CMTM8: variants seen among roughly 807,000 people sequenced by gnomAD.
CMTM8 encodes CKLF-like MARVEL transmembrane domain-containing protein 8.
CMTM8 carries 12 observed loss-of-function variants against 18.6 expected under a neutral mutation model. That is an observed-to-expected ratio of 0.65 (90% CI 0.41 to 1.05). CMTM8 has a LOEUF of 1.05. Among genes scored for constraint, CMTM8 ranks in the 50% least tolerant of loss-of-function variants. The probability of loss-of-function intolerance (pLI) is 0.00; values close to 1 mark genes in which losing one functional copy is unlikely to be tolerated. For missense variants in CMTM8, 217 were observed against 227.2 expected (o/e 0.95, Z 0.29); for synonymous variants, 87 against 90.6 (o/e 0.96, Z 0.23).
chr3:32,306,498 A>C (rs1412493626), intron 1 of CMTM8, among the ~76,000 whole-genome samples: 2 of 152,224 alleles, frequency 1.3e-5, no homozygotes, highest in African/African-American at 2.4e-5. Context: ...CAGAGTATGC[A>C]TCCACCACCT....
Position 32,368,131 on chromosome 3 carries a change from T to A in CMTM8, c.438+143T>A. On this transcript the variant is annotated intron_variant, in intron 3 of 3. Coordinates refer to ENST00000307526, the MANE Select transcript of CMTM8 (RefSeq NM_178868.5). ...CAATTGGCTTATTGATTTGAAAATA[T>A]CTAAAACTGGCAGGGGGCAGAGGGC... 4.6e-6 allele frequency: 3 copies of A among 652,930 alleles called. No homozygotes were observed. In the South Asian group the frequency reaches 5.6e-5, roughly 12 times the overall value. 40.4% of individuals were successfully genotyped at this position (652,930 alleles called of 1,614,324 possible).
chr3:32,273,891 T>C (rs4132830), intron 1 of CMTM8, among the ~76,000 whole-genome samples: 33,338 of 152,118 alleles, frequency 0.22, 3,801 homozygotes, highest in Admixed American at 0.27. Flanking sequence ...TTAAGAGTCC[T>C]CAAGGTTTAA....
chr3:32,255,865 A>G (rs1216676370), intron 1 of CMTM8, among the ~76,000 whole-genome samples: 6 of 152,134 alleles, frequency 3.9e-5, no homozygotes, highest in African/African-American at 1.2e-4. Flanking sequence ...AGCTGGGACT[A>G]CAGGTACTTG....
At chr3:32,242,860 AT>A (rs199567040) in intron 1 of CMTM8, among the ~76,000 whole-genome samples, 22,775 of 144,846 alleles carry the variant, frequency 0.16, 2,055 homozygotes, top group South Asian at 0.36. Flanking sequence ...ACAAAATACA[AT>A]TTTTTTTTTT....
intron 1 of CMTM8, among the ~76,000 whole-genome samples, chr3:32,240,776 G>A (rs897307728): frequency 6.6e-6 from 1 of 152,026 alleles, no homozygotes; most frequent in Non-Finnish European, 1.5e-5. Flanking sequence ...AGCTAATTAT[G>A]CACCTTTTTT....
chr3:32,259,937 C>T, intron 1 of CMTM8: 1 of 1,136,122 alleles, frequency 8.8e-7, no homozygotes. Context: ...CTACACCCTG[C>T]AGATAGAGCA....
chr3:32,334,565 C>G (rs1410409862), intron 1 of CMTM8, among the ~76,000 whole-genome samples: 1 of 151,380 alleles, frequency 6.6e-6, no homozygotes, highest in Non-Finnish European at 1.5e-5. Context: ...GAGATCGCAC[C>G]ACTGCACTCC....
chr3:32,340,715 T>C (rs2125589131), intron 1 of CMTM8, among the ~76,000 whole-genome samples: 1 of 152,394 alleles, frequency 6.6e-6, no homozygotes, highest in Non-Finnish European at 1.5e-5. Context: ...TGAATAAGCA[T>C]GGCTGTGTTC....
At chr3:32,250,030 C>T (rs1422862949) in intron 1 of CMTM8, among the ~76,000 whole-genome samples, 4 of 152,086 alleles carry the variant, frequency 2.6e-5, no homozygotes, top group African/African-American at 7.2e-5. Context: ...GTCTATGATT[C>T]GTTTTGAGTT....
At chr3:32,353,850 T>C (rs939453860) in intron 1 of CMTM8, among the ~76,000 whole-genome samples, 6 of 149,896 alleles carry the variant, frequency 4.0e-5, no homozygotes, top group African/African-American at 1.2e-4. Context: ...AGTGGCACGA[T>C]CTCGGCTCAC....
chr3:32,271,887 A>G (rs951913607), intron 1 of CMTM8, among the ~76,000 whole-genome samples: 4 of 152,042 alleles, frequency 2.6e-5, no homozygotes, highest in African/African-American at 9.7e-5. Context: ...AATTTATCGT[A>G]TTTTCTTGTT....
At chr3:32,348,860 T>C (rs1696651562) in intron 1 of CMTM8, among the ~76,000 whole-genome samples, 1 of 152,146 alleles carries the variant, frequency 6.6e-6, no homozygotes, top group Non-Finnish European at 1.5e-5. Flanking sequence ...TTTTTTACTT[T>C]ATCTCACCTG....
chr3:32,297,253 A>G (rs1702896093), intron 1 of CMTM8, among the ~76,000 whole-genome samples: 1 of 152,126 alleles, frequency 6.6e-6, no homozygotes, highest in South Asian at 2.1e-4. Flanking sequence ...ATCTCGGCTC[A>G]CTGCAACCTC....
chr3:32,296,735 A>G (rs901071884), intron 1 of CMTM8, among the ~76,000 whole-genome samples: 1 of 152,176 alleles, frequency 6.6e-6, no homozygotes, highest in Non-Finnish European at 1.5e-5. Context: ...GTTGCATTAG[A>G]TGTTCCATCC....
chr3:32,274,291 C>A (rs574394493), intron 1 of CMTM8, among the ~76,000 whole-genome samples: 38 of 148,484 alleles, frequency 2.6e-4, no homozygotes, highest in African/African-American at 9.3e-4. Context: ...GCCTGGGTGA[C>A]CCTGTCTCAA....
chr3:32,260,331 A>T, intron 1 of CMTM8: 1 of 617,026 alleles, frequency 1.6e-6, no homozygotes, highest in Admixed American at 2.7e-5. Flanking sequence ...AGCTAAATAT[A>T]ATGAACTATA....
At chr3:32,288,227 A>G (rs1390491771) in intron 1 of CMTM8, among the ~76,000 whole-genome samples, 2 of 152,190 alleles carry the variant, frequency 1.3e-5, no homozygotes, top group Non-Finnish European at 2.9e-5. Flanking sequence ...AGGAGCTTAC[A>G]ACTTAATTGA....
In CMTM8 at chr3:32,367,909, T is replaced by C. The variant is rs1697071704; in HGVS notation, c.359T>C (p.Leu120Pro). Residue 120 changes from leucine (L) to proline (P), a missense_variant, in exon 3 of 4, where the codon CTC becomes CCC. By Grantham distance (98) the Leu-to-Pro change is moderately conservative. Coordinates refer to ENST00000307526, the MANE Select transcript of CMTM8 (RefSeq NM_178868.5). The stretch of plus-strand genomic sequence containing the variant: ...AACGGCAGTGCCTTCGTCTTGTACC[T>C]CTCTGCCGCTGTTGTAGATGCATCT... ...CFNGSAFVLY[L>P]SAAVVDASSV... is the part of the protein sequence containing the mutation. The C allele has an allele frequency of 6.2e-7, 1 of 1,613,978 alleles. No homozygotes were observed. Among genetic ancestry groups the C allele is most frequent in the Admixed American group, 1.7e-5 (1 of 60,006 alleles).
chr3:32,324,661 C>G (rs1201132153), intron 1 of CMTM8, among the ~76,000 whole-genome samples: 1 of 152,206 alleles, frequency 6.6e-6, no homozygotes, highest in Non-Finnish European at 1.5e-5. Context: ...TTGGCAGCAT[C>G]TTACCCAGGA....
Sources: gnomAD v4.1 joint callset for allele counts (sites outside exome capture counted in the v4.1 genomes callset) on GRCh38, gnomAD v4.1.1 for gene constraint, MANE v1.5 for transcripts, NCBI Gene and HGNC (gene_info 2026-07-23, HGNC 2026-07-21) for gene names.